The following R3HCC1L variants were observed in gnomAD, a reference collection of about 807,000 sequenced individuals.
The protein encoded by R3HCC1L is R3H domain and coiled-coil containing 1 like.
A neutral mutation model predicts 59.9 loss-of-function variants in R3HCC1L; 51 were observed. The observed-to-expected ratio is 0.85, with a 90% CI of 0.68 to 1.07. The LOEUF (loss-of-function observed/expected upper bound fraction) is 1.07, where lower values mean the gene tolerates loss of function less well. R3HCC1L is among the 50% of genes least tolerant of loss of function. The probability of loss-of-function intolerance (pLI) is 0.00; values close to 1 mark genes in which losing one functional copy is unlikely to be tolerated. For synonymous variants in R3HCC1L, 322 were observed against 315.2 expected, an observed-to-expected ratio of 1.02 and a Z score of -0.23; for missense variants, 965 against 933.0, an observed-to-expected ratio of 1.03 and a Z score of -0.45.
chr10:98,181,247 A>G (rs1849594009), intron 4 of R3HCC1L, among the ~76,000 whole-genome samples: 1 of 152,094 alleles, frequency 6.6e-6, no homozygotes, highest in African/African-American at 2.4e-5. Flanking sequence ...ATCTCTCAGC[A>G]TTTGCTTGTC....
intron 5 of R3HCC1L, among the ~76,000 whole-genome samples, chr10:98,221,782 C>T (rs1397873405): frequency 6.6e-6 from 1 of 152,130 alleles, no homozygotes; most frequent in Non-Finnish European, 1.5e-5. Flanking sequence ...GTTACTGTAG[C>T]CTTGTAATAT....
chr10:98,187,440 A>G (rs1396372020), intron 4 of R3HCC1L, among the ~76,000 whole-genome samples: 1 of 152,100 alleles, frequency 6.6e-6, no homozygotes, highest in East Asian at 1.9e-4. Flanking sequence ...ATCATTTCTC[A>G]TAATTGGATT....
chr10:98,135,529 C>G (rs1421722360), intron 1 of R3HCC1L, among the ~76,000 whole-genome samples: 1 of 152,172 alleles, frequency 6.6e-6, no homozygotes, highest in African/African-American at 2.4e-5. Context: ...AGTCTCCAGT[C>G]TAGGTCAGTT....
chr10:98,135,139 C>T (rs1200949468), intron 1 of R3HCC1L, among the ~76,000 whole-genome samples: 2 of 152,226 alleles, frequency 1.3e-5, no homozygotes, highest in Non-Finnish European at 2.9e-5. Context: ...CCTCCGCTGC[C>T]CGGGAGCCCC....
chr10:98,244,896 T>C lies in R3HCC1L; in HGVS notation c.*738T>C, dbSNP rs1857953152. On this transcript the variant is annotated 3_prime_UTR_variant, in exon 10 of 10. Transcript: ENST00000298999. ...ACATTAAAGCCCATTTTATGACATATATCACTGTGGTGTTTGTTGGTTTTT... is the reference window on the plus strand; with the variant it reads ...ACATTAAAGCCCATTTTATGACATACATCACTGTGGTGTTTGTTGGTTTTT... 1 of 152,228 alleles carries C rather than the reference T, an allele frequency of 6.6e-6. No homozygotes were observed. Among genetic ancestry groups the C allele is most frequent in the Admixed American group, 6.5e-5 (1 of 15,282 alleles). The allele number at this position is 152,228 out of a possible 1,614,324, so 9.4% of individuals were successfully genotyped here.
At chr10:98,158,289 C>G (rs757975392) in intron 2 of R3HCC1L, among the ~76,000 whole-genome samples, 1 of 151,998 alleles carries the variant, frequency 6.6e-6, no homozygotes, top group Non-Finnish European at 1.5e-5. Context: ...GCTCTTGAGT[C>G]GAGAATTTTT....
intron 9 of R3HCC1L, among the ~76,000 whole-genome samples, chr10:98,238,087 T>C (rs932768329): frequency 3.3e-5 from 5 of 152,226 alleles, no homozygotes; most frequent in Non-Finnish European, 7.3e-5. Flanking sequence ...ACTCTCTTGC[T>C]CCTGTTTCTA....
intron 1 of R3HCC1L, among the ~76,000 whole-genome samples, chr10:98,152,967 C>T (rs1258535196): frequency 1.3e-5 from 2 of 149,196 alleles, no homozygotes; most frequent in East Asian, 2.0e-4. Context: ...CCCCACCCAG[C>T]CAGCCGCCCT....
At position 98,208,986 on chromosome 10, in the gene R3HCC1L, G is replaced by T. The variant is rs147674187; in HGVS notation, c.872G>T (p.Gly291Val). ...CVDFEVESVG[G>V]IANSTGFILD... ...GATTTTGAAGTTGAGAGTGTAGGTGGTATAGCCAATAGTACAGGTTTCATC... is the reference window on the plus strand; with the variant it reads ...GATTTTGAAGTTGAGAGTGTAGGTGTTATAGCCAATAGTACAGGTTTCATC... Residue 291 changes from glycine to valine, a missense_variant, in exon 5 of 10, where the codon GGT (glycine) becomes GTT (valine). Gly to Val is a moderately radical substitution (Grantham distance 109). Transcript: ENST00000298999. The T allele has an allele frequency of 2.6e-3, 4,120 of 1,613,964 alleles. 6 individuals are homozygous for T. The highest frequency in any genetic ancestry group is 3.2e-3 in the Non-Finnish European group (3,831 of 1,179,898).
chr10:98,185,315 TTTCTCTAA>T (rs1281600764), intron 4 of R3HCC1L, among the ~76,000 whole-genome samples: 1 of 152,200 alleles, frequency 6.6e-6, no homozygotes, highest in African/African-American at 2.4e-5. Flanking sequence ...TTAATAATAC[TTTCTCTAA>T]TGAGCATATA....
At chr10:98,221,864 T>C (rs1219980908) in intron 5 of R3HCC1L, among the ~76,000 whole-genome samples, 1 of 152,246 alleles carries the variant, frequency 6.6e-6, no homozygotes, top group East Asian at 1.9e-4. Flanking sequence ...CGATTCGGGC[T>C]CTTTTTTGGT....
rs146142304 is a variant in R3HCC1L, at chr10:98,216,483, A to G, written c.1785+6584A>G. On this transcript the variant is annotated intron_variant, in intron 5 of 9. Coordinates refer to ENST00000298999, the MANE Select transcript of R3HCC1L (RefSeq NM_001351015.2). ...GAGCCAAGTCATATCCCTGCACTTC[A>G]GCCTGGGCAACAGAATGAGACCCTG... Among the ~76,000 whole-genome samples the G allele has an allele frequency of 3.8e-3, 579 of 152,288 alleles. 6 individuals carry two copies. Among genetic ancestry groups the G allele is most frequent in the African/African-American group, 0.013 (556 of 41,562 alleles).
intron 1 of R3HCC1L, among the ~76,000 whole-genome samples, chr10:98,136,691 AC>A (rs1483133663): frequency 2.6e-5 from 4 of 152,062 alleles, no homozygotes; most frequent in Non-Finnish European, 5.9e-5. Context: ...CAAAAAATTA[AC>A]CAGGTGTAGT....
chr10:98,170,455 T>TTA (rs1330433810), intron 4 of R3HCC1L, among the ~76,000 whole-genome samples: 2 of 152,058 alleles, frequency 1.3e-5, no homozygotes, highest in African/African-American at 4.8e-5. Flanking sequence ...GTAGTGAGGG[T>TTA]TACAGGTATG....
At chr10:98,188,632 G>A (rs1850491562) in intron 4 of R3HCC1L, among the ~76,000 whole-genome samples, 1 of 152,120 alleles carries the variant, frequency 6.6e-6, no homozygotes, top group African/African-American at 2.4e-5. Context: ...CTTTTGGAGA[G>A]GTTAAAGAAG....
At chr10:98,172,185 C>T (rs889085376) in intron 4 of R3HCC1L, among the ~76,000 whole-genome samples, 9 of 152,112 alleles carry the variant, frequency 5.9e-5, no homozygotes, top group South Asian at 2.1e-4. Context: ...TTACACTCCA[C>T]GGGATATACA....
intron 1 of R3HCC1L, among the ~76,000 whole-genome samples, chr10:98,151,024 C>T (rs555389961): frequency 6.6e-6 from 1 of 152,180 alleles, no homozygotes; most frequent in Non-Finnish European, 1.5e-5. Flanking sequence ...GTGAAAGGGG[C>T]ATCATGGTTA....
chr10:98,216,929 G>A (rs1022141256), intron 5 of R3HCC1L, among the ~76,000 whole-genome samples: 1 of 152,056 alleles, frequency 6.6e-6, no homozygotes, highest in African/African-American at 2.4e-5. Context: ...TTAACTTGAA[G>A]CATGTACATT....
intron 1 of R3HCC1L, among the ~76,000 whole-genome samples, chr10:98,145,876 G>C (rs1219949053): frequency 6.6e-6 from 1 of 151,938 alleles, no homozygotes; most frequent in Non-Finnish European, 1.5e-5. Context: ...TTGAACCCTG[G>C]AGGCGGAGGT....
Sources: allele counts gnomAD v4.1 joint callset (sites outside exome capture counted in the v4.1 genomes callset), GRCh38; gene constraint gnomAD v4.1.1; transcripts MANE v1.5; gene names NCBI Gene and HGNC (gene_info 2026-07-23, HGNC 2026-07-21).